ATP6V1H: variants seen among roughly 807,000 people sequenced by gnomAD.
ATP6V1H encodes ATPase H+ transporting V1 subunit H, also known as V-type proton ATPase subunit H.
Under a neutral mutation model 71.7 loss-of-function variants are expected in ATP6V1H, and 39 were observed. The ratio of observed to expected loss-of-function variants is 0.54; its 90% CI spans 0.42 to 0.71. The LOEUF is 0.71. Ranked by LOEUF, ATP6V1H falls within the 30% of genes least tolerant of loss-of-function variation. ATP6V1H has a pLI of 0.00. For missense variants in ATP6V1H, 509 were observed against 594.9 expected (o/e 0.86, Z 1.50); for synonymous variants, 192 against 199.3 (o/e 0.96, Z 0.31).
chr8:53,751,434 T>G (rs1275601134), intron 12 of ATP6V1H, among the ~76,000 whole-genome samples: 3 of 152,210 alleles, frequency 2.0e-5, no homozygotes, highest in African/African-American at 7.2e-5. Context: ...ACTGTTGAAA[T>G]AGTCCAAAGT....
At chr8:53,831,087 A>AG (rs1487197523) in intron 3 of ATP6V1H, among the ~76,000 whole-genome samples, 1 of 152,250 alleles carries the variant, frequency 6.6e-6, no homozygotes, top group Non-Finnish European at 1.5e-5. Context: ...TAAAACATAA[A>AG]GGAAACTGAC....
At chr8:53,786,877 A>AT (rs1809404802) in intron 9 of ATP6V1H, among the ~76,000 whole-genome samples, 1 of 152,248 alleles carries the variant, frequency 6.6e-6, no homozygotes, top group South Asian at 2.1e-4. Flanking sequence ...TGTAAAATAT[A>AT]TGTGAAAGCA....
chr8:53,807,938 T>C (rs1810142888), intron 7 of ATP6V1H, among the ~76,000 whole-genome samples: 1 of 152,238 alleles, frequency 6.6e-6, no homozygotes, highest in Non-Finnish European at 1.5e-5. Flanking sequence ...AGTACAGCTA[T>C]CGTGAGCATT....
At chr8:53,774,414 T>TAA (rs1187714474) in intron 9 of ATP6V1H, among the ~76,000 whole-genome samples, 3 of 152,230 alleles carry the variant, frequency 2.0e-5, no homozygotes, top group Non-Finnish European at 4.4e-5. Context: ...TTTGAACTGT[T>TAA]ATCTTAAGTC....
At chr8:53,742,751 C>T (rs1320277441) in intron 13 of ATP6V1H, among the ~76,000 whole-genome samples, 1 of 152,234 alleles carries the variant, frequency 6.6e-6, no homozygotes, top group South Asian at 2.1e-4. Flanking sequence ...CATCTTCAAA[C>T]GCACTCATGC....
Position 53,837,143 on chromosome 8 carries a change from T to TA in ATP6V1H, c.114-4058dup, listed in dbSNP as rs879911885. ...GCGACAAGAGTGAAACTCCATCTCA[T>TA]AAAAAAAAAAAAGAGAGAGTGAATA... On this transcript the variant is annotated intron_variant, in intron 2 of 13. Coordinates refer to ENST00000359530, the MANE Select transcript of ATP6V1H (RefSeq NM_015941.4). Among the ~76,000 whole-genome samples, 781 of 138,442 alleles carry TA rather than the reference T, an allele frequency of 5.6e-3. 2 individuals are homozygous for TA. Among genetic ancestry groups the TA allele is most frequent in the African/African-American group, 0.01 (385 of 37,680 alleles). 90.8% of individuals were successfully genotyped at this position (138,442 alleles called of 152,430 possible). A position where few individuals can be genotyped will look rare whatever the true frequency, so the allele number is the denominator to read the frequency against.
chr8:53,729,694 T>A (rs1209440495), intron 13 of ATP6V1H, among the ~76,000 whole-genome samples: 2 of 152,224 alleles, frequency 1.3e-5, no homozygotes, highest in African/African-American at 4.8e-5. Context: ...CCACAGTTAT[T>A]CTTGTAAACT....
chr8:53,744,007 G>A (rs771790465), intron 12 of ATP6V1H, among the ~76,000 whole-genome samples: 3 of 152,028 alleles, frequency 2.0e-5, no homozygotes, highest in Non-Finnish European at 4.4e-5. Context: ...GAGTATTAAC[G>A]TTTTTATTAT....
At chr8:53,731,880 C>T (rs556622497) in intron 13 of ATP6V1H, among the ~76,000 whole-genome samples, 114 of 152,350 alleles carry the variant, frequency 7.5e-4, no homozygotes, top group Admixed American at 9.1e-4. Context: ...GAGAGCGCTC[C>T]GGGGTAGGCA....
chr8:53,838,821 G>A (rs1015842097), intron 2 of ATP6V1H, among the ~76,000 whole-genome samples: 10 of 152,212 alleles, frequency 6.6e-5, no homozygotes, highest in African/African-American at 1.2e-4. Context: ...TTGGGCTCTC[G>A]ACACTGGGGG....
chr8:53,758,464 G>A (rs762276577), intron 11 of ATP6V1H, among the ~76,000 whole-genome samples: 2 of 152,128 alleles, frequency 1.3e-5, no homozygotes, highest in Non-Finnish European at 2.9e-5. Context: ...TTACCCTCGT[G>A]TTCCTGGAAT....
chr8:53,826,618 G>A (rs1810828919), intron 4 of ATP6V1H, among the ~76,000 whole-genome samples: 2 of 151,852 alleles, frequency 1.3e-5, no homozygotes, highest in Admixed American at 1.3e-4. Flanking sequence ...ACATGTGTCT[G>A]CCTGTCTATG....
chr8:53,734,430 A>G (rs1807127070), intron 13 of ATP6V1H, among the ~76,000 whole-genome samples: 1 of 152,198 alleles, frequency 6.6e-6, no homozygotes, highest in Non-Finnish European at 1.5e-5. Flanking sequence ...TTGAAGCCCA[A>G]TCATTGCCCC....
rs1563476278 is a variant in ATP6V1H at position 53,808,283 on chromosome 8, C to T, written c.579+2881G>A. ...GAATCACAGTATTCTTTCATCAGGGCATCAGCACAGCAATCCACTTCCACG... is the reference window on the plus strand; with the variant it reads ...GAATCACAGTATTCTTTCATCAGGGTATCAGCACAGCAATCCACTTCCACG... On this transcript the variant is annotated intron_variant, in intron 7 of 13. Coordinates refer to ENST00000359530, the MANE Select transcript of ATP6V1H (RefSeq NM_015941.4). 3.3e-5 allele frequency among the ~76,000 whole-genome samples: 5 copies of T among 152,342 alleles called. No homozygotes were observed. The South Asian group carries it at 8.3e-4, about 25-fold the overall frequency.
chr8:53,834,328 C>T (rs578180675), intron 2 of ATP6V1H, among the ~76,000 whole-genome samples: 1 of 152,330 alleles, frequency 6.6e-6, no homozygotes, highest in East Asian at 1.9e-4. Context: ...AGAAAAAGCA[C>T]TCGCTGTATA....
At chr8:53,759,522 C>T (rs887452318) in intron 11 of ATP6V1H, among the ~76,000 whole-genome samples, 1 of 152,232 alleles carries the variant, frequency 6.6e-6, no homozygotes, top group African/African-American at 2.4e-5. Flanking sequence ...TGGATCCAGG[C>T]AGCAACACAC....
rs531875146 is a variant in ATP6V1H, at chr8:53,752,416, A to G, written c.1277+4139T>C. ...CTGGGCTTCTGTGAGAAATCCGCAT[A>G]TAACCTGAATATCCCAAACTCTCTG... On this transcript the variant is annotated intron_variant, in intron 12 of 13. Coordinates refer to ENST00000359530, the MANE Select transcript of ATP6V1H (RefSeq NM_015941.4). Among the ~76,000 whole-genome samples, 9 of 152,344 alleles carry G rather than the reference A, an allele frequency of 5.9e-5. No homozygotes were observed. The East Asian group carries it at 1.7e-3, about 29-fold the overall frequency.
At chr8:53,791,484 A>T (rs1809563156) in intron 9 of ATP6V1H, among the ~76,000 whole-genome samples, 1 of 152,218 alleles carries the variant, frequency 6.6e-6, no homozygotes, top group Admixed American at 6.5e-5. Context: ...CATCTTCAAG[A>T]GCCAGATTTA....
At chr8:53,727,318 A>T (rs1044971290) in intron 13 of ATP6V1H, among the ~76,000 whole-genome samples, 1 of 152,086 alleles carries the variant, frequency 6.6e-6, no homozygotes, top group Admixed American at 6.5e-5. Flanking sequence ...CCTGAAATAT[A>T]CTTGTTTTCC....
Sources: allele counts gnomAD v4.1 joint callset (sites outside exome capture counted in the v4.1 genomes callset), GRCh38; gene constraint gnomAD v4.1.1; transcripts MANE v1.5; gene names NCBI Gene and HGNC (gene_info 2026-07-23, HGNC 2026-07-21).